STARD13: variants seen among roughly 807,000 people sequenced by gnomAD.
The protein encoded by STARD13 is StAR related lipid transfer domain containing 13.
STARD13 carries 62 observed loss-of-function variants against 106.4 expected under a neutral mutation model. That is an observed-to-expected ratio of 0.58 (90% CI 0.48 to 0.72). The LOEUF (loss-of-function observed/expected upper bound fraction) is 0.72. STARD13 is among the 30% of genes least tolerant of loss of function. STARD13 has a pLI of 0.00. For synonymous variants in STARD13, 565 were observed against 553.0 expected (o/e 1.02, Z -0.31); for missense variants, 1,387 against 1,424.0 (o/e 0.97, Z 0.42).
the STARD13 span, among the ~76,000 whole-genome samples, chr13:33,468,428 G>T: frequency 6.6e-6 from 1 of 152,204 alleles, no homozygotes; most frequent in Non-Finnish European, 1.5e-5. Flanking sequence ...AAATGTGGAA[G>T]TGTTGAGAGG....
At chr13:33,191,885 A>G (rs1439354416) in intron 1 of STARD13, among the ~76,000 whole-genome samples, 1 of 152,268 alleles carries the variant, frequency 6.6e-6, no homozygotes, top group East Asian at 1.9e-4. Context: ...GGAGATAAAT[A>G]AAACTGCATT....
At chr13:33,459,302 G>A in the STARD13 span, among the ~76,000 whole-genome samples, 8 of 151,882 alleles carry the variant, frequency 5.3e-5, no homozygotes, top group South Asian at 2.1e-4. Flanking sequence ...GCCTTCTCTC[G>A]CTATAGATCA....
intron 4 of STARD13, among the ~76,000 whole-genome samples, chr13:33,132,681 T>A (rs1009370809): frequency 3.3e-5 from 5 of 152,048 alleles, no homozygotes; most frequent in Admixed American, 3.3e-4. Context: ...CAAGACCCTG[T>A]CTCTTAAAAA....
intron 1 of STARD13, among the ~76,000 whole-genome samples, chr13:33,298,501 T>A (rs947086268): frequency 1.3e-5 from 2 of 151,784 alleles, no homozygotes; most frequent in Non-Finnish European, 2.9e-5. Flanking sequence ...CATACCACCC[T>A]CCTGCCACAA....
At chr13:33,475,629 T>C in the STARD13 span, among the ~76,000 whole-genome samples, 1 of 152,200 alleles carries the variant, frequency 6.6e-6, no homozygotes, top group Non-Finnish European at 1.5e-5. Context: ...TTTCTAAACA[T>C]AAATCATACA....
At chr13:33,487,919 A>G in the STARD13 span, among the ~76,000 whole-genome samples, 2 of 152,118 alleles carry the variant, frequency 1.3e-5, no homozygotes, top group African/African-American at 4.8e-5. Context: ...TTGCTCAGCT[A>G]TGTCCTTGTA....
chr13:33,429,928 G>GT, the STARD13 span, among the ~76,000 whole-genome samples: 69 of 116,058 alleles, frequency 5.9e-4, 1 homozygote, highest in East Asian at 6.4e-3. Flanking sequence ...CTTTTTTTTT[G>GT]GGGGGGGGGG....
At chr13:33,234,797 T>A (rs1889104041) in intron 1 of STARD13, among the ~76,000 whole-genome samples, 1 of 152,208 alleles carries the variant, frequency 6.6e-6, no homozygotes, top group South Asian at 2.1e-4. Context: ...TTTAGAAGGT[T>A]GTAAAAAATT....
At position 33,129,149 on chromosome 13, in the gene STARD13, C is replaced by T. The variant is rs866930535; in HGVS notation, c.1528G>A (p.Glu510Lys). Residue 510 changes from glutamate (E) to lysine (K), a missense_variant, in exon 5 of 14, where the codon GAA becomes AAA. Glu to Lys is a moderately conservative substitution (Grantham distance 56). Coordinates refer to ENST00000336934, the MANE Select transcript of STARD13 (RefSeq NM_178006.4). ...ACCAATGTATCATGAGTTTGCAGTTCAGGCAAGACATCTTTGGACCAGTCA... is the reference window on the plus strand; with the variant it reads ...ACCAATGTATCATGAGTTTGCAGTTTAGGCAAGACATCTTTGGACCAGTCA... Reference protein sequence around the residue: ...VDDWSKDVLPELQTHDTLVGE... With the variant: ...VDDWSKDVLPKLQTHDTLVGE... 2.5e-6 allele frequency: 4 copies of T among 1,614,188 alleles called. No homozygotes were observed. The highest frequency in any genetic ancestry group is 3.4e-6 in the Non-Finnish European group (4 of 1,180,030).
At chr13:33,295,501 C>A (rs184677474) in intron 1 of STARD13, among the ~76,000 whole-genome samples, 1 of 152,196 alleles carries the variant, frequency 6.6e-6, no homozygotes, top group Non-Finnish European at 1.5e-5. Context: ...CCCTAACTCA[C>A]CTTACCATTT....
At chr13:33,622,153 C>G in the STARD13 span, among the ~76,000 whole-genome samples, 1 of 152,052 alleles carries the variant, frequency 6.6e-6, no homozygotes, top group African/African-American at 2.4e-5. Context: ...AGAAAAAAAT[C>G]AACCAATTCC....
the STARD13 span, among the ~76,000 whole-genome samples, chr13:33,599,541 A>G: frequency 6.6e-6 from 1 of 152,206 alleles, no homozygotes; most frequent in South Asian, 2.1e-4. Context: ...CCTCCTCCTC[A>G]TTAAGCTTTT....
the STARD13 span, among the ~76,000 whole-genome samples, chr13:33,437,081 A>G: frequency 4.6e-5 from 7 of 152,346 alleles, no homozygotes; most frequent in East Asian, 9.6e-4. Context: ...AGTAAAAATT[A>G]AAAGGCAGAA....
chr13:33,355,694 A>G, the STARD13 span: 2 of 152,090 alleles, frequency 1.3e-5, no homozygotes, highest in Non-Finnish European at 2.9e-5. Flanking sequence ...ATGCAATCTC[A>G]TGTTACTTAT....
chr13:33,625,652 C>T, the STARD13 span, among the ~76,000 whole-genome samples: 13 of 152,086 alleles, frequency 8.5e-5, no homozygotes, highest in African/African-American at 3.1e-4. Context: ...TGTCTGAGAG[C>T]ACAGTTAAAC....
chr13:33,479,758 G>A, the STARD13 span, among the ~76,000 whole-genome samples: 11 of 152,088 alleles, frequency 7.2e-5, no homozygotes, highest in East Asian at 1.9e-4. Flanking sequence ...TTCTCTTGGC[G>A]CTGTTCTCAT....
At chr13:33,125,010 G>A (rs1876949074) in intron 7 of STARD13, among the ~76,000 whole-genome samples, 1 of 152,196 alleles carries the variant, frequency 6.6e-6, no homozygotes, top group Non-Finnish European at 1.5e-5. Flanking sequence ...GGACAAAGGG[G>A]AACACACATT....
rs117337178 is a variant in STARD13, at chr13:33,283,086, G to C, written c.169+2384C>G. On this transcript the variant is annotated intron_variant, in intron 1 of 13. Coordinates refer to ENST00000336934, the MANE Select transcript of STARD13 (RefSeq NM_178006.4). ...AATAACTTGACATCCTGTGTTATTG[G>C]GTAGTAACTGGTTAAAGAGAATAAA... Among the ~76,000 whole-genome samples, 1,369 of 152,204 alleles carry C rather than the reference G, an allele frequency of 9.0e-3. 11 individuals are homozygous for C. Among genetic ancestry groups the C allele is most frequent in the Middle Eastern group, 0.044 (13 of 294 alleles).
intron 6 of STARD13, among the ~76,000 whole-genome samples, chr13:33,126,883 C>A (rs1236771009): frequency 7.0e-6 from 1 of 143,580 alleles, no homozygotes; most frequent in African/African-American, 2.6e-5. Context: ...TTCTAACATG[C>A]TTCTGTCAAT....
Sources: allele counts gnomAD v4.1 joint callset (sites outside exome capture counted in the v4.1 genomes callset), GRCh38; gene constraint gnomAD v4.1.1; transcripts MANE v1.5; gene names NCBI Gene and HGNC (gene_info 2026-07-23, HGNC 2026-07-21).